Variants in PLA2G4C observed in about 807,000 individuals in gnomAD.
The protein encoded by PLA2G4C is phospholipase A2 group IVC.
A neutral mutation model predicts 73.8 loss-of-function variants in PLA2G4C; 64 were observed. That is an observed-to-expected ratio of 0.87 (90% confidence interval 0.71 to 1.07). The LOEUF (loss-of-function observed/expected upper bound fraction) is 1.07, where lower values mean the gene tolerates loss of function less well. Ranked by LOEUF, PLA2G4C falls within the 50% of genes least tolerant of loss-of-function variation. PLA2G4C has a pLI of 0.00. For missense variants in PLA2G4C, 622 were observed against 665.4 expected, an observed-to-expected ratio of 0.93 and a Z score of 0.72; for synonymous variants, 254 against 252.1, an observed-to-expected ratio of 1.01 and a Z score of -0.07.
At chr19:48,095,734 G>C in intron 6 of PLA2G4C, 130 bp from the exon 7 acceptor site, 1 of 981,678 alleles carries the variant, frequency 1.0e-6, no homozygotes, top group East Asian at 2.5e-5. Flanking sequence ...GGACTGTGTG[G>C]TATCAGAAAC....
chr19:48,063,899 G>A (rs1424818380), intron 13 of PLA2G4C: 1 of 151,934 alleles, frequency 6.6e-6, no homozygotes, highest in African/African-American at 2.4e-5. Context: ...AGGGTTCTTG[G>A]ATCTCATACA....
At chr19:48,054,184 C>T (rs916237925) in intron 15 of PLA2G4C, among the ~76,000 whole-genome samples, 1 of 152,140 alleles carries the variant, frequency 6.6e-6, no homozygotes, top group Admixed American at 6.5e-5. Flanking sequence ...ACCCAAATCT[C>T]ATCTTGAATT....
chr19:48,096,347 C>T (rs1568448447), intron 6 of PLA2G4C, among the ~76,000 whole-genome samples: 1 of 152,072 alleles, frequency 6.6e-6, no homozygotes, highest in Non-Finnish European at 1.5e-5. Context: ...CTTTGGGAGG[C>T]GGAGGTGAGT....
At chr19:48,102,018 G>A (rs1458302351) in intron 4 of PLA2G4C, among the ~76,000 whole-genome samples, 1 of 151,932 alleles carries the variant, frequency 6.6e-6, no homozygotes, top group African/African-American at 2.4e-5. Flanking sequence ...CTTGGAATGC[G>A]CTCAGTATAA....
chr19:48,067,070 G>A (rs1281937705), intron 13 of PLA2G4C, among the ~76,000 whole-genome samples: 7 of 151,984 alleles, frequency 4.6e-5, no homozygotes, highest in African/African-American at 1.7e-4. Context: ...AGCTTATGGA[G>A]ACTATTAAAT....
chr19:48,105,791 C>CT lies in PLA2G4C; in HGVS notation c.9-348_9-347insA, dbSNP rs1263742571. Among the ~76,000 whole-genome samples the CT allele has an allele frequency of 1.3e-4, 14 of 109,756 alleles. No homozygotes were observed. The South Asian group carries it at 1.5e-3, about 12-fold the overall frequency. The allele number at this position is 109,756 out of a possible 152,430, so 72.0% of individuals were successfully genotyped here. A position where few individuals can be genotyped will look rare whatever the true frequency, so the allele number is the denominator to read the frequency against. ...CCTGGCCAACATGGTGACATACCTC[C>CT]CTCCCTCCCTCCCTCCCTCCCCTTC... On this transcript the variant is annotated intron_variant, in intron 2 of 16. Coordinates refer to ENST00000599921, the MANE Select transcript of PLA2G4C (RefSeq NM_003706.3).
intron 1 of PLA2G4C, among the ~76,000 whole-genome samples, chr19:48,108,590 T>C (rs1282657301): frequency 6.6e-6 from 1 of 152,214 alleles, no homozygotes; most frequent in Non-Finnish European, 1.5e-5. Flanking sequence ...ACGACTGTTC[T>C]TTAGCAAAGT....
chr19:48,069,441 G>A (rs958488143), intron 12 of PLA2G4C, among the ~76,000 whole-genome samples: 12 of 152,060 alleles, frequency 7.9e-5, no homozygotes, highest in Admixed American at 6.6e-5. Context: ...GATAAACCAG[G>A]TCATTATCCC....
At chr19:48,056,606 G>A (rs989197854) in intron 14 of PLA2G4C, among the ~76,000 whole-genome samples, 7 of 151,722 alleles carry the variant, frequency 4.6e-5, no homozygotes, top group African/African-American at 1.7e-4. Flanking sequence ...GCTGAGGTGG[G>A]TGGATCACGA....
At position 48,063,328 on chromosome 19, in the gene PLA2G4C, C is replaced by T. The variant is rs142940230; in HGVS notation, c.1103-1176G>A. On this transcript the variant is annotated intron_variant, in intron 13 of 16. Coordinates refer to ENST00000599921, the MANE Select transcript of PLA2G4C (RefSeq NM_003706.3). ...AAGTGCTGGCATTACAGGCGTGAGC[C>T]ACGGGCCGGCCAACATTCTTTAGAG... 2.1e-4 allele frequency among the ~76,000 whole-genome samples: 32 copies of T among 152,286 alleles called. No homozygotes were observed. The East Asian group carries it at 6.0e-3, about 28-fold the overall frequency.
At position 48,073,709 on chromosome 19, in the gene PLA2G4C, G is replaced by A. The variant is rs770141411; in HGVS notation, c.1006+1058C>T. On this transcript the variant is annotated intron_variant, in intron 12 of 16. Transcript: ENST00000599921. ...CGTGGTGCTGGCATCTGCTTCTGGT[G>A]GGGCCTCAGGAAGCTTCCAATCATG... Among the ~76,000 whole-genome samples the A allele has an allele frequency of 4.9e-4, 75 of 152,016 alleles. 1 individual carries two copies. The highest frequency in any genetic ancestry group is 9.0e-4 in the Non-Finnish European group (61 of 68,012).
Position 48,095,452 on chromosome 19 carries a change from C to A in PLA2G4C, c.709+12G>T, listed in dbSNP as rs752534387. ...CCACCCCCTTTTAATCCCCTCTGAC[C>A]CCAGCGCTGACCTCTCAGGAAAGTC... On this transcript the variant is annotated intron_variant, in intron 7 of 16. Coordinates refer to ENST00000599921, the MANE Select transcript of PLA2G4C (RefSeq NM_003706.3). 2.5e-6 allele frequency: 4 copies of A among 1,613,734 alleles called. No homozygotes were observed. The South Asian group carries it at 4.4e-5, about 18-fold the overall frequency.
intron 14 of PLA2G4C, 28 bp downstream of exon 14, chr19:48,061,970 G>A: frequency 6.2e-7 from 1 of 1,611,544 alleles, no homozygotes; most frequent in Non-Finnish European, 8.5e-7. Flanking sequence ...TCCCACCCAG[G>A]ACCGGCCCCA....
chr19:48,081,717 C>T (rs150847687), intron 10 of PLA2G4C, among the ~76,000 whole-genome samples: 1 of 151,088 alleles, frequency 6.6e-6, no homozygotes, highest in African/African-American at 2.4e-5. Flanking sequence ...AGAGATCGCT[C>T]CATTGCACTC....
chr19:48,095,342 C>T, intron 7 of PLA2G4C, 122 bp downstream of exon 7: 1 of 871,530 alleles, frequency 1.1e-6, no homozygotes, highest in Non-Finnish European at 1.8e-6. Context: ...TGGAAGCCTA[C>T]CAAGTCCTTT....
chr19:48,058,826 A>C (rs1968062047), intron 14 of PLA2G4C, among the ~76,000 whole-genome samples: 1 of 152,056 alleles, frequency 6.6e-6, no homozygotes, highest in Non-Finnish European at 1.5e-5. Context: ...CAAAAAAAAA[A>C]AAAAGATTTG....
At chr19:48,078,305 A>G (rs1192668681) in intron 10 of PLA2G4C, among the ~76,000 whole-genome samples, 2 of 152,188 alleles carry the variant, frequency 1.3e-5, no homozygotes, top group Non-Finnish European at 2.9e-5. Context: ...GAGAACTGCA[A>G]TAAGACAAGA....
At chr19:48,067,414 C>T (rs1262300821) in intron 13 of PLA2G4C, among the ~76,000 whole-genome samples, 2 of 152,112 alleles carry the variant, frequency 1.3e-5, no homozygotes, top group East Asian at 1.9e-4. Flanking sequence ...GTGATCCGCC[C>T]GCCTCAGCCT....
rs998866079 is a variant in PLA2G4C, at chr19:48,056,575, A to G, written c.1258-1526T>C. The stretch of plus-strand genomic sequence containing the variant: ...GCATGGTGGCTCATGGCTCATGCCT[A>G]TAATCCCAGCACTTTGGGAGGCTGA... On this transcript the variant is annotated intron_variant, in intron 14 of 16. Coordinates refer to ENST00000599921, the MANE Select transcript of PLA2G4C (RefSeq NM_003706.3). 4.6e-5 allele frequency among the ~76,000 whole-genome samples: 7 copies of G among 151,418 alleles called. No homozygotes were observed. The Admixed American group carries it at 4.6e-4, about 10-fold the overall frequency.
Sources: allele counts gnomAD v4.1 joint callset (sites outside exome capture counted in the v4.1 genomes callset), GRCh38; gene constraint gnomAD v4.1.1; transcripts MANE v1.5; gene names NCBI Gene and HGNC (gene_info 2026-07-23, HGNC 2026-07-21).